The following GSE1 variants were observed in gnomAD, a reference collection of about 807,000 sequenced individuals.
GSE1 encodes genetic suppressor element 1.
Under a neutral mutation model 112.6 loss-of-function variants are expected in GSE1, and 32 were observed. The ratio of observed to expected loss-of-function variants is 0.28; its 90% CI spans 0.21 to 0.38. The LOEUF is 0.38. Among genes scored for constraint, GSE1 ranks in the 10% least tolerant of loss-of-function variants. The pLI is 1.00. For missense variants in GSE1, 2,348 were observed against 1,699.2 expected, an observed-to-expected ratio of 1.38 and a Z score of -6.71; for synonymous variants, 1,115 against 735.6, an observed-to-expected ratio of 1.52 and a Z score of -8.35.
chr16:85,353,457 C>T (rs534084920), intron 1 of GSE1, among the ~76,000 whole-genome samples: 6 of 12,694 alleles, frequency 4.7e-4, no homozygotes, highest in East Asian at 4.1e-3. Context: ...CATCATTTTA[C>T]GTTCCCATCA....
At chr16:85,485,919 C>T (rs373351347) in intron 2 of GSE1, among the ~76,000 whole-genome samples, 3 of 152,228 alleles carry the variant, frequency 2.0e-5, no homozygotes, top group South Asian at 4.1e-4. Context: ...AGCACAGGCC[C>T]CTTCACCCCG....
At chr16:85,455,612 C>G (rs1180741724) in intron 2 of GSE1, among the ~76,000 whole-genome samples, 2 of 152,200 alleles carry the variant, frequency 1.3e-5, no homozygotes, top group East Asian at 3.9e-4. Context: ...GGCTGCAACT[C>G]AGCCCCGTTT....
At chr16:85,583,972 C>T (rs544086214) in intron 1 of GSE1, among the ~76,000 whole-genome samples, 7 of 152,368 alleles carry the variant, frequency 4.6e-5, no homozygotes, top group African/African-American at 7.2e-5. Flanking sequence ...ACTACCACTT[C>T]CCACTGTGAT....
chr16:85,463,199 C>A (rs111380320), intron 2 of GSE1: 1 of 769,414 alleles, frequency 1.3e-6, no homozygotes, highest in Non-Finnish European at 1.6e-6. Flanking sequence ...GGCGCGCCAC[C>A]CACCCGGGGC....
At chr16:85,655,695 T>G (rs2151927767) in intron 5 of GSE1, 31 bp from the exon 6 acceptor site, 1 of 1,503,500 alleles carries the variant, frequency 6.7e-7, no homozygotes, top group East Asian at 2.3e-5. Flanking sequence ...TTGGTTCATT[T>G]GCTGCTCACA....
At chr16:85,499,792 G>A (rs981806782) in intron 2 of GSE1, among the ~76,000 whole-genome samples, 2 of 152,176 alleles carry the variant, frequency 1.3e-5, no homozygotes, top group African/African-American at 4.8e-5. Context: ...TGCTAGGTCA[G>A]CCCCCAAACA....
rs149420589 is a variant in GSE1, at chr16:85,213,426, T to C, written c.2283+41619T>C. 7.2e-4 allele frequency among the ~76,000 whole-genome samples: 109 copies of C among 152,296 alleles called. No individual in the cohort carries two copies. The East Asian group carries it at 7.5e-3, about 11-fold the overall frequency. On this transcript the variant is annotated intron_variant, in intron 1 of 2. Transcript: ENST00000637419. ...TATCATCGTGCCACTGCACTCCAGC[T>C]TGGGCGACAAAGTGAAACGCTGTCT...
In GSE1 at chr16:85,513,097, G is replaced by A. The variant is rs147543362; in HGVS notation, c.2465-120817G>A. Among the ~76,000 whole-genome samples the A allele has an allele frequency of 2.3e-3, 352 of 152,262 alleles. 2 individuals carry two copies. Among genetic ancestry groups the A allele is most frequent in the African/African-American group, 8.3e-3 (343 of 41,540 alleles). ...GTGGGCGTCTCCATCACTCTGCTCT[G>A]TGGTCCATCAGCCCATCTGGGGAGC... On this transcript the variant is annotated intron_variant, in intron 2 of 2. Coordinates refer to the GSE1 transcript ENST00000637419.
chr16:85,614,322 C>T (rs1274763722), intron 1 of GSE1, among the ~76,000 whole-genome samples: 2 of 152,132 alleles, frequency 1.3e-5, no homozygotes, highest in African/African-American at 2.4e-5. Flanking sequence ...ACCTCCTCGG[C>T]CGCCCGCCCG....
intron 1 of GSE1, among the ~76,000 whole-genome samples, chr16:85,217,743 C>T (rs771916752): frequency 2.6e-5 from 4 of 152,124 alleles, no homozygotes; most frequent in Non-Finnish European, 1.5e-5. Context: ...CTTTCCTAAG[C>T]CCTCCTGTTG....
chr16:85,203,864 A>G (rs1256228160), intron 1 of GSE1, among the ~76,000 whole-genome samples: 2 of 152,128 alleles, frequency 1.3e-5, no homozygotes, highest in Non-Finnish European at 1.5e-5. Context: ...CAGCCTCCTG[A>G]GTAGCTGGGA....
chr16:85,321,034 G>T (rs1451199643), intron 1 of GSE1, among the ~76,000 whole-genome samples: 1 of 152,050 alleles, frequency 6.6e-6, no homozygotes, highest in Non-Finnish European at 1.5e-5. Context: ...CCATCACCCC[G>T]ATCTTATTTA....
chr16:85,277,105 G>T (rs947272376), intron 1 of GSE1, among the ~76,000 whole-genome samples: 1 of 152,180 alleles, frequency 6.6e-6, no homozygotes, highest in African/African-American at 2.4e-5. Context: ...GGGGAGGGGT[G>T]TAGGGGACAC....
chr16:85,515,677 C>T (rs1461057432), intron 2 of GSE1, among the ~76,000 whole-genome samples: 1 of 152,052 alleles, frequency 6.6e-6, no homozygotes, highest in African/African-American at 2.4e-5. Flanking sequence ...GGAAATGTCC[C>T]TGATGCCTTC....
intron 1 of GSE1, among the ~76,000 whole-genome samples, chr16:85,196,139 A>G (rs73260352): frequency 0.025 from 3,830 of 152,336 alleles, 167 homozygotes; most frequent in African/African-American, 0.084. Flanking sequence ...CAAACGAGTT[A>G]AGAAAAACGT....
chr16:85,422,373 G>T (rs969560186), intron 2 of GSE1, among the ~76,000 whole-genome samples: 1 of 152,168 alleles, frequency 6.6e-6, no homozygotes, highest in Non-Finnish European at 1.5e-5. Context: ...GCGGGGCGGG[G>T]GGGGGTGCCC....
At chr16:85,671,164 A>C in intron 15 of GSE1, 66 bp downstream of exon 15, 1 of 921,182 alleles carries the variant, frequency 1.1e-6, no homozygotes, top group Admixed American at 1.9e-5. Flanking sequence ...AGAAACACCC[A>C]TGCAGATAAG....
chr16:85,304,714 A>C (rs2151468158), intron 1 of GSE1, among the ~76,000 whole-genome samples: 1 of 152,150 alleles, frequency 6.6e-6, no homozygotes, highest in South Asian at 2.1e-4. Flanking sequence ...CCTGAACATA[A>C]ATAACACCTG....
At chr16:85,340,863 C>T (rs2046610728) in intron 1 of GSE1, among the ~76,000 whole-genome samples, 1 of 152,346 alleles carries the variant, frequency 6.6e-6, no homozygotes, top group East Asian at 1.9e-4. Context: ...AGCTGCTCCA[C>T]TCCCGGCTCT....
Sources: gnomAD v4.1 joint callset for allele counts (sites outside exome capture counted in the v4.1 genomes callset) on GRCh38, gnomAD v4.1.1 for gene constraint, MANE v1.5 for transcripts, NCBI Gene and HGNC (gene_info 2026-07-23, HGNC 2026-07-21) for gene names.